Variants in GRIA4 observed in about 807,000 individuals in gnomAD.
GRIA4 encodes the protein glutamate ionotropic receptor AMPA type subunit 4.
A neutral mutation model predicts 104.0 loss-of-function variants in GRIA4; 34 were observed. The ratio of observed to expected loss-of-function variants is 0.33; its 90% confidence interval spans 0.25 to 0.44. GRIA4 has a LOEUF of 0.44. GRIA4 is among the 20% of genes least tolerant of loss of function. The pLI, the probability that GRIA4 is intolerant of heterozygous loss-of-function variation, is 1.00. For missense variants in GRIA4, 750 were observed against 1,096.5 expected (o/e 0.68, Z 4.46); for synonymous variants, 386 against 381.9 (o/e 1.01, Z -0.13).
intron 4 of GRIA4, among the ~76,000 whole-genome samples, chr11:105,760,116 A>C (rs1030174976): frequency 2.6e-5 from 4 of 152,122 alleles, no homozygotes; most frequent in African/African-American, 9.7e-5. Flanking sequence ...CACAAAACTC[A>C]TTATTTCAAG....
rs909306955 is a variant in GRIA4 at position 105,651,079 on chromosome 11, A to G, written c.247+38645A>G. ...TTTCAGGGAGATCAGTATCTCATGG[A>G]TATCACTTGTCAATTTTCAAGTAAC... is the stretch of plus-strand genomic sequence containing the variant. On this transcript the variant is annotated intron_variant, in intron 3 of 16. Transcript: ENST00000282499. 4.6e-5 allele frequency among the ~76,000 whole-genome samples: 7 copies of G among 152,300 alleles called. No individual in the cohort carries two copies. The South Asian group carries it at 6.2e-4, about 14-fold the overall frequency.
intron 3 of GRIA4, among the ~76,000 whole-genome samples, chr11:105,692,361 C>A (rs1213746279): frequency 6.6e-6 from 1 of 152,016 alleles, no homozygotes. Flanking sequence ...CCTCTACTCT[C>A]AAGAAAACCA....
chr11:105,856,001 T>C (rs1454907739), intron 4 of GRIA4, among the ~76,000 whole-genome samples: 3 of 152,170 alleles, frequency 2.0e-5, no homozygotes, highest in South Asian at 4.1e-4. Flanking sequence ...TGACCACCAG[T>C]AGAATAGATA....
At position 105,979,789 on chromosome 11, in the gene GRIA4, G is replaced by T; in HGVS notation, c.*50G>T. Reference sequence around the variant, plus strand: ...TTAATTAAACTGTTGGTGACTGGTGGAAACGCAGCCCTGAGGGACACGCCA... The same window carrying T: ...TTAATTAAACTGTTGGTGACTGGTGTAAACGCAGCCCTGAGGGACACGCCA... On this transcript the variant is annotated 3_prime_UTR_variant, in exon 17 of 17. Transcript: ENST00000282499. 7.0e-7 allele frequency: 1 copy of T among 1,438,134 alleles called. No homozygotes were observed. The highest frequency in any genetic ancestry group is 9.7e-7 in the Non-Finnish European group (1 of 1,030,032). 89.1% of individuals were successfully genotyped at this position (1,438,134 alleles called of 1,614,324 possible). A position where few individuals can be genotyped will look rare whatever the true frequency, so the allele number is the denominator to read the frequency against.
chr11:105,979,960 G>T lies in GRIA4; in HGVS notation c.*221G>T. 9 of 430,522 alleles carry T rather than the reference G, an allele frequency of 2.1e-5. No individual in the cohort carries two copies. The highest frequency in any genetic ancestry group is 7.2e-5 in the Admixed American group (2 of 27,804). The allele number at this position is 430,522 out of a possible 1,614,324, so 26.7% of individuals were successfully genotyped here. A position where few individuals can be genotyped will look rare whatever the true frequency, so the allele number is the denominator to read the frequency against. ...TTTTATATCAGGAAAACTCACAATT[G>T]AGGTTTTTTTCGGGGAGTGGGTGGG... On this transcript the variant is annotated 3_prime_UTR_variant, in exon 17 of 17. Coordinates refer to ENST00000282499, the MANE Select transcript of GRIA4 (RefSeq NM_000829.4).
rs118098961 is a variant in GRIA4 at position 105,906,287 on chromosome 11, G to A, written c.1158+986G>A. 5.0e-3 allele frequency among the ~76,000 whole-genome samples: 754 copies of A among 152,126 alleles called. 12 individuals carry two copies. The highest frequency in any genetic ancestry group is 0.01 in the Middle Eastern group (3 of 294). On this transcript the variant is annotated intron_variant, in intron 9 of 16. Coordinates refer to ENST00000282499, the MANE Select transcript of GRIA4 (RefSeq NM_000829.4). ...CAATAAGTTATCTTATCCAAAGCCTGTAAGTGAGAAAACATATTTTACTCT... is the reference window on the plus strand; with the variant it reads ...CAATAAGTTATCTTATCCAAAGCCTATAAGTGAGAAAACATATTTTACTCT...
At chr11:105,833,161 G>T (rs148875935) in intron 4 of GRIA4, among the ~76,000 whole-genome samples, 1 of 151,640 alleles carries the variant, frequency 6.6e-6, no homozygotes, top group Non-Finnish European at 1.5e-5. Flanking sequence ...TTCTTGTCAC[G>T]CATACAACAG....
intron 3 of GRIA4, among the ~76,000 whole-genome samples, chr11:105,651,120 G>C (rs192433218): frequency 6.6e-6 from 1 of 152,116 alleles, no homozygotes; most frequent in Non-Finnish European, 1.5e-5. Context: ...AAATACAAGT[G>C]AAATCTACTT....
chr11:105,753,620 A>G (rs1286043207), intron 4 of GRIA4, among the ~76,000 whole-genome samples: 1 of 152,106 alleles, frequency 6.6e-6, no homozygotes, highest in Non-Finnish European at 1.5e-5. Flanking sequence ...CAATCCTGAC[A>G]TTATCTACCC....
At chr11:105,948,597 T>TTTTTTTTTTTTTTTTTTTTTTTG (rs1948383174) in intron 14 of GRIA4, among the ~76,000 whole-genome samples, 15 of 36,408 alleles carry the variant, frequency 4.1e-4, no homozygotes, top group African/African-American at 8.8e-4. Context: ...TTCTTTTTGT[T>TTTTTTTTTTTTTTTTTTTTTTTG]TTTTTTTTTT....
intron 4 of GRIA4, among the ~76,000 whole-genome samples, chr11:105,788,433 G>GCTGCAACGTATGTTTATCATA (rs1167971590): frequency 2.0e-5 from 3 of 152,082 alleles, no homozygotes; most frequent in Non-Finnish European, 4.4e-5. Flanking sequence ...TAATAAGACA[G>GCTGCAACGTATGTTTATCATA]CTGCAACGTA....
Position 105,664,995 on chromosome 11 carries a change from A to C in GRIA4, c.247+52561A>C, listed in dbSNP as rs914589809. Among the ~76,000 whole-genome samples the C allele has an allele frequency of 2.6e-5, 4 of 152,040 alleles. No individual in the cohort carries two copies. The East Asian group carries it at 7.7e-4, about 29-fold the overall frequency. On this transcript the variant is annotated intron_variant, in intron 3 of 16. Coordinates refer to ENST00000282499, the MANE Select transcript of GRIA4 (RefSeq NM_000829.4). ...AATTCAAACTGGCACTATTTGTGAGAAAATTTGGCAATATTTGGGAGATAA... is the reference window on the plus strand; with the variant it reads ...AATTCAAACTGGCACTATTTGTGAGCAAATTTGGCAATATTTGGGAGATAA...
intron 3 of GRIA4, among the ~76,000 whole-genome samples, chr11:105,699,822 A>G (rs368518833): frequency 3.3e-4 from 50 of 152,110 alleles, no homozygotes; most frequent in African/African-American, 1.2e-3. Context: ...CTTTTATCCA[A>G]CCACTACCCA....
chr11:105,844,321 A>C (rs1944503080), intron 4 of GRIA4, among the ~76,000 whole-genome samples: 1 of 152,224 alleles, frequency 6.6e-6, no homozygotes, highest in African/African-American at 2.4e-5. Context: ...CAAATAGTCC[A>C]TTATTAAATA....
At chr11:105,748,525 G>A (rs1162783495) in intron 3 of GRIA4, among the ~76,000 whole-genome samples, 8 of 152,026 alleles carry the variant, frequency 5.3e-5, no homozygotes, top group Non-Finnish European at 1.2e-4. Flanking sequence ...TGGGATTACG[G>A]GCATGTGCCA....
intron 4 of GRIA4, among the ~76,000 whole-genome samples, chr11:105,811,972 T>C (rs1335253798): frequency 6.6e-6 from 1 of 152,158 alleles, no homozygotes; most frequent in East Asian, 1.9e-4. Flanking sequence ...CCCCATGCTT[T>C]TTAGGAAAGG....
At chr11:105,850,191 C>G (rs1429108025) in intron 4 of GRIA4, among the ~76,000 whole-genome samples, 1 of 152,154 alleles carries the variant, frequency 6.6e-6, no homozygotes, top group Non-Finnish European at 1.5e-5. Context: ...GACTTCTCCT[C>G]TTGATAATAC....
chr11:105,839,494 AT>A (rs1477879456), intron 4 of GRIA4, among the ~76,000 whole-genome samples: 1 of 105,766 alleles, frequency 9.5e-6, no homozygotes, highest in Admixed American at 9.6e-5. Flanking sequence ...ATCTCATTTT[AT>A]TTTGCTATAA....
chr11:105,923,608 C>T (rs1947627151), intron 11 of GRIA4, among the ~76,000 whole-genome samples: 1 of 152,084 alleles, frequency 6.6e-6, no homozygotes, highest in South Asian at 2.1e-4. Flanking sequence ...ATGAGGTAAA[C>T]AGGGAAAAAG....
Sources: gnomAD v4.1 joint callset for allele counts (sites outside exome capture counted in the v4.1 genomes callset) on GRCh38, gnomAD v4.1.1 for gene constraint, MANE v1.5 for transcripts, NCBI Gene and HGNC (gene_info 2026-07-23, HGNC 2026-07-21) for gene names.